Variants in EPHA5 observed in about 807,000 individuals in gnomAD.
EPHA5 encodes the protein ephrin type-A receptor 5.
A neutral mutation model predicts 105.0 loss-of-function variants in EPHA5; 60 were observed. The ratio of observed to expected loss-of-function variants is 0.57; its 90% CI spans 0.46 to 0.71. The LOEUF (loss-of-function observed/expected upper bound fraction) is 0.71, where lower values mean the gene tolerates loss of function less well. EPHA5 is among the 30% of genes least tolerant of loss of function. The pLI is 0.00. For missense variants in EPHA5, 1,218 were observed against 1,274.7 expected, an observed-to-expected ratio of 0.96 and a Z score of 0.68; for synonymous variants, 513 against 449.1, an observed-to-expected ratio of 1.14 and a Z score of -1.80.
At chr4:65,403,334 C>A (rs1181968776) in intron 8 of EPHA5, among the ~76,000 whole-genome samples, 2 of 151,800 alleles carry the variant, frequency 1.3e-5, no homozygotes, top group Non-Finnish European at 2.9e-5. Context: ...ATGAGTAGAA[C>A]GGTAACAAAA....
intron 2 of EPHA5, among the ~76,000 whole-genome samples, chr4:65,620,132 AAT>A (rs984728473): frequency 5.9e-4 from 84 of 142,858 alleles, no homozygotes; most frequent in African/African-American, 2.1e-3. Context: ...ATATATATTA[AAT>A]ATATGATAGT....
At chr4:65,536,112 T>C (rs963057874) in intron 3 of EPHA5, among the ~76,000 whole-genome samples, 4 of 152,024 alleles carry the variant, frequency 2.6e-5, no homozygotes, top group African/African-American at 9.7e-5. Context: ...TGTATTAGTG[T>C]ATAAATTATT....
intron 3 of EPHA5, among the ~76,000 whole-genome samples, chr4:65,562,235 A>T (rs73824310): frequency 2.6e-5 from 4 of 152,058 alleles, no homozygotes; most frequent in Non-Finnish European, 5.9e-5. Context: ...ATTAATATGA[A>T]TCAGTTATAA....
At chr4:65,495,007 AAAGAAGAAAG>A (rs1027926951) in intron 4 of EPHA5, among the ~76,000 whole-genome samples, 23 of 2,162 alleles carry the variant, frequency 0.011, 1 homozygote, top group African/African-American at 0.012. Context: ...AAGGAAGAAG[AAAGAAGAAAG>A]AAGAAGAGGA....
intron 5 of EPHA5, among the ~76,000 whole-genome samples, chr4:65,461,610 G>A (rs892361506): frequency 4.6e-5 from 7 of 151,900 alleles, no homozygotes; most frequent in Non-Finnish European, 1.0e-4. Flanking sequence ...AATGGAGGAC[G>A]TAGAAAAAGA....
chr4:65,334,169 C>T (rs1471667978), intron 15 of EPHA5, among the ~76,000 whole-genome samples: 1 of 151,958 alleles, frequency 6.6e-6, no homozygotes. Context: ...TCTCTCCCAA[C>T]AGTGCATTGG....
intron 16 of EPHA5, among the ~76,000 whole-genome samples, chr4:65,327,165 G>A (rs1349449): frequency 0.68 from 102,461 of 150,904 alleles, 35,701 homozygotes; most frequent in Middle Eastern, 0.75. Context: ...CTAAAGAATT[G>A]TGAGAAATTT....
At chr4:65,420,627 T>C (rs1723859449) in intron 5 of EPHA5, 62 bp from the exon 6 acceptor site, 3 of 1,504,496 alleles carry the variant, frequency 2.0e-6, no homozygotes, top group East Asian at 4.7e-5. Flanking sequence ...AAACCTGTTA[T>C]GTTTATTACG....
chr4:65,514,059 C>CAT (rs1272677493), intron 3 of EPHA5, among the ~76,000 whole-genome samples: 1 of 152,084 alleles, frequency 6.6e-6, no homozygotes, highest in Admixed American at 6.6e-5. Context: ...CACAAACAAA[C>CAT]ATATGGCTTT....
Position 65,554,492 on chromosome 4 carries a change from G to A in EPHA5, c.910+47149C>T, listed in dbSNP as rs190587873. Among the ~76,000 whole-genome samples, 60 of 151,132 alleles carry A rather than the reference G, an allele frequency of 4.0e-4. 1 individual carries two copies. In the East Asian group the frequency reaches 7.9e-3, roughly 20 times the overall value. On this transcript the variant is annotated intron_variant, in intron 3 of 16. Transcript: ENST00000613740. ...GTAGTTACAAGTGAGAAATAAGACAGTAATTGACTAAAATCTGATAGTTGA... is the reference window on the plus strand; with the variant it reads ...GTAGTTACAAGTGAGAAATAAGACAATAATTGACTAAAATCTGATAGTTGA...
intron 14 of EPHA5, among the ~76,000 whole-genome samples, chr4:65,337,863 A>G: frequency 6.6e-6 from 1 of 152,082 alleles, no homozygotes; most frequent in East Asian, 1.9e-4. Context: ...GCAAGCAGAG[A>G]AATAAAAAGT....
chr4:65,515,501 C>T (rs1367628462), intron 3 of EPHA5, among the ~76,000 whole-genome samples: 1 of 152,148 alleles, frequency 6.6e-6, no homozygotes, highest in Admixed American at 6.6e-5. Context: ...TATTTTATTT[C>T]TCTCAACAAT....
intron 5 of EPHA5, among the ~76,000 whole-genome samples, chr4:65,476,127 A>AGTGTGTGTGTGT (rs58933650): frequency 2.7e-4 from 32 of 119,106 alleles, no homozygotes; most frequent in African/African-American, 9.3e-4. Context: ...AGAGAGAGAG[A>AGTGTGTGTGTGT]GTGTGTGTGT....
At chr4:65,627,588 G>A (rs898161464) in intron 2 of EPHA5, among the ~76,000 whole-genome samples, 1 of 152,138 alleles carries the variant, frequency 6.6e-6, no homozygotes, top group African/African-American at 2.4e-5. Context: ...TTGATGGAAT[G>A]TGTAGTTTGA....
chr4:65,507,363 T>G (rs1733146507), intron 3 of EPHA5, among the ~76,000 whole-genome samples: 1 of 152,152 alleles, frequency 6.6e-6, no homozygotes, highest in Non-Finnish European at 1.5e-5. Flanking sequence ...CTTTTTTGGT[T>G]CCATATGAAC....
At chr4:65,461,854 G>T (rs368108166) in intron 5 of EPHA5, among the ~76,000 whole-genome samples, 13 of 151,942 alleles carry the variant, frequency 8.6e-5, no homozygotes, top group Non-Finnish European at 1.5e-4. Context: ...GGAGAAAAAT[G>T]AGAACAAAAG....
chr4:65,431,620 A>T (rs1045432729), intron 5 of EPHA5, among the ~76,000 whole-genome samples: 2 of 151,916 alleles, frequency 1.3e-5, no homozygotes, highest in African/African-American at 4.8e-5. Flanking sequence ...TCCTAATATT[A>T]CTGAAAACCT....
At chr4:65,599,010 G>A (rs1340626751) in intron 3 of EPHA5, among the ~76,000 whole-genome samples, 1 of 151,906 alleles carries the variant, frequency 6.6e-6, no homozygotes, top group Non-Finnish European at 1.5e-5. Flanking sequence ...ACAAATATTT[G>A]CATTTGTTAT....
chr4:65,476,117 A>AGT (rs1293931481), intron 5 of EPHA5, among the ~76,000 whole-genome samples: 1,431 of 127,800 alleles, frequency 0.011, 8 homozygotes, highest in Middle Eastern at 0.019. Flanking sequence ...AGAGAGAGAG[A>AGT]GAGAGAGAGA....
Sources: gnomAD v4.1 joint callset for allele counts (sites outside exome capture counted in the v4.1 genomes callset) on GRCh38, gnomAD v4.1.1 for gene constraint, MANE v1.5 for transcripts, NCBI Gene and HGNC (gene_info 2026-07-23, HGNC 2026-07-21) for gene names.